Variants in MRPS9 observed in about 807,000 individuals in gnomAD.
MRPS9 encodes small ribosomal subunit protein uS9m.
MRPS9 carries 45 observed loss-of-function variants against 59.9 expected under a neutral mutation model. The ratio of observed to expected loss-of-function variants is 0.75; its 90% CI spans 0.59 to 0.96. The LOEUF is 0.96. MRPS9 is among the 40% of genes least tolerant of loss of function. The pLI is 0.00. For synonymous variants in MRPS9, 171 were observed against 166.8 expected (o/e 1.03, Z -0.19); for missense variants, 473 against 481.1 (o/e 0.98, Z 0.16).
At position 105,038,137 on chromosome 2, in the gene MRPS9, G is replaced by C. The variant is rs770944812; in HGVS notation, c.45G>C (p.Arg15=). ...CVSYGGAVSY[R]LLLWGRGSLA... Reference sequence around the variant, plus strand: ...CCTACGGCGGAGCAGTTTCGTACCGGCTTCTTCTCTGGGGTAGGGGTAGCC... The same window carrying C: ...CCTACGGCGGAGCAGTTTCGTACCGCCTTCTTCTCTGGGGTAGGGGTAGCC... Residue 15 remains arginine (R), a synonymous_variant, in exon 1 of 11, where the codon CGG becomes CGC. Transcript: ENST00000258455. 1.9e-6 allele frequency: 3 copies of C among 1,613,930 alleles called. No homozygotes were observed. Among genetic ancestry groups the C allele is most frequent in the Non-Finnish European group, 2.5e-6 (3 of 1,179,984 alleles).
chr2:105,048,968 A>G (rs1679659138), intron 1 of MRPS9, among the ~76,000 whole-genome samples: 1 of 148,728 alleles, frequency 6.7e-6, no homozygotes, highest in Non-Finnish European at 1.5e-5. Flanking sequence ...CTTAAACTGC[A>G]TTGTAAGCAA....
At chr2:105,043,833 C>T (rs543708523) in intron 1 of MRPS9, among the ~76,000 whole-genome samples, 1 of 151,404 alleles carries the variant, frequency 6.6e-6, no homozygotes, top group East Asian at 2.0e-4. Context: ...CAAGGTTTCA[C>T]TTTGTTGGCC....
At chr2:105,054,213 A>G (rs1679760201) in intron 2 of MRPS9, among the ~76,000 whole-genome samples, 1 of 152,224 alleles carries the variant, frequency 6.6e-6, no homozygotes, top group African/African-American at 2.4e-5. Context: ...CATGAGATTA[A>G]TGCAGTGTGT....
intron 2 of MRPS9, among the ~76,000 whole-genome samples, chr2:105,069,681 T>C (rs1387788413): frequency 6.6e-6 from 1 of 152,152 alleles, no homozygotes; most frequent in African/African-American, 2.4e-5. Flanking sequence ...GTATATGATG[T>C]GAGGTTTGGA....
At chr2:105,066,390 T>C (rs1327773709) in intron 2 of MRPS9, among the ~76,000 whole-genome samples, 1 of 152,232 alleles carries the variant, frequency 6.6e-6, no homozygotes, top group East Asian at 1.9e-4. Context: ...GCGAATTCTT[T>C]GTTGGCTTGT....
At position 105,038,153 on chromosome 2, in the gene MRPS9, A is replaced by T; in HGVS notation, c.61A>T (p.Arg21Trp). The change falls in exon 1 of 11, where the codon AGG becomes TGG. Residue 21 changes from arginine to tryptophan, a missense_variant. By Grantham distance (101) the Arg-to-Trp change is moderately radical. Coordinates refer to ENST00000258455, the MANE Select transcript of MRPS9 (RefSeq NM_182640.3). Reference protein sequence around the residue: ...AVSYRLLLWGRGSLARKQGLW... With the variant: ...AVSYRLLLWGWGSLARKQGLW... ...TTCGTACCGGCTTCTTCTCTGGGGT[A>T]GGGGTAGCCTCGCCCGGAAGCAAGG... 1.2e-6 allele frequency: 2 copies of T among 1,613,616 alleles called. No individual in the cohort carries two copies. The highest frequency in any genetic ancestry group is 2.2e-5 in the South Asian group (2 of 90,954).
At chr2:105,060,140 AT>A (rs1370759559) in intron 2 of MRPS9, among the ~76,000 whole-genome samples, 2 of 151,638 alleles carry the variant, frequency 1.3e-5, no homozygotes, top group Non-Finnish European at 2.9e-5. Context: ...CTAATCTAAA[AT>A]TTTTTGTGAA....
intron 5 of MRPS9, among the ~76,000 whole-genome samples, chr2:105,088,409 C>T (rs1484339409): frequency 6.6e-6 from 1 of 151,980 alleles, no homozygotes; most frequent in Non-Finnish European, 1.5e-5. Flanking sequence ...TAACAAGTGA[C>T]ATGCATTCAC....
At chr2:105,079,075 A>G (rs1680274574) in intron 4 of MRPS9, among the ~76,000 whole-genome samples, 1 of 152,186 alleles carries the variant, frequency 6.6e-6, no homozygotes. Context: ...CCTATAAAGG[A>G]TTCCTTCATG....
intron 2 of MRPS9, among the ~76,000 whole-genome samples, chr2:105,068,820 G>A (rs1680050600): frequency 6.6e-6 from 1 of 152,202 alleles, no homozygotes; most frequent in Non-Finnish European, 1.5e-5. Context: ...TTGCACAGAT[G>A]TGCCCTCATT....
At chr2:105,047,451 G>C (rs902933246) in intron 1 of MRPS9, among the ~76,000 whole-genome samples, 1 of 151,744 alleles carries the variant, frequency 6.6e-6, no homozygotes, top group African/African-American at 2.4e-5. Context: ...AATTACTGTA[G>C]AGGCATCTGA....
chr2:105,073,028 T>C (rs1014810264), intron 4 of MRPS9, among the ~76,000 whole-genome samples: 2 of 152,194 alleles, frequency 1.3e-5, no homozygotes, highest in African/African-American at 4.8e-5. Flanking sequence ...AGTAAAACTA[T>C]GCACAGGGCA....
chr2:105,069,835 A>G (rs1558756785), intron 2 of MRPS9, among the ~76,000 whole-genome samples: 3 of 146,616 alleles, frequency 2.0e-5, no homozygotes, highest in African/African-American at 7.6e-5. Flanking sequence ...ACATAGTGAG[A>G]CCCTCATCTC....
intron 5 of MRPS9, among the ~76,000 whole-genome samples, chr2:105,084,614 T>C (rs970862239): frequency 1.3e-5 from 2 of 152,192 alleles, no homozygotes; most frequent in South Asian, 2.1e-4. Flanking sequence ...TAGTGCTGTC[T>C]TTTAAAAATT....
In MRPS9 at chr2:105,070,846, T is replaced by C. The variant is rs1680099422; in HGVS notation, c.316-467T>C. Reference sequence around the variant, plus strand: ...AACAGACATGGAAGAAGAACTTGTTTGGAAAGAGTGTAGTTTAAAAACTCT... The same window carrying C: ...AACAGACATGGAAGAAGAACTTGTTCGGAAAGAGTGTAGTTTAAAAACTCT... On this transcript the variant is annotated intron_variant, in intron 2 of 10. Coordinates refer to ENST00000258455, the MANE Select transcript of MRPS9 (RefSeq NM_182640.3). 2.6e-5 allele frequency among the ~76,000 whole-genome samples: 4 copies of C among 152,170 alleles called. No homozygotes were observed. In the South Asian group the frequency reaches 8.3e-4, roughly 32 times the overall value.
At chr2:105,046,644 A>AGG (rs143606903) in intron 1 of MRPS9, among the ~76,000 whole-genome samples, 10,747 of 152,004 alleles carry the variant, frequency 0.071, 590 homozygotes, top group East Asian at 0.27. Flanking sequence ...CTTCAGTGAA[A>AGG]GGAGCCATAC....
At chr2:105,045,485 G>C (rs1679575938) in intron 1 of MRPS9, among the ~76,000 whole-genome samples, 1 of 151,126 alleles carries the variant, frequency 6.6e-6, no homozygotes, top group African/African-American at 2.4e-5. Flanking sequence ...ATCTCAGATT[G>C]GGTTAAAAAA....
rs1680457445 is a variant in MRPS9, at chr2:105,086,882, C to CCTG, written c.490-2100_490-2098dup. Among the ~76,000 whole-genome samples, 12 of 152,270 alleles carry CCTG rather than the reference C, an allele frequency of 7.9e-5. 1 individual carries two copies. The South Asian group carries it at 2.5e-3, about 32-fold the overall frequency. On this transcript the variant is annotated intron_variant, in intron 5 of 10. Transcript: ENST00000258455. ...TGGGTGCGCAGTGGCATGCTGTTTG[C>CCTG]CTGCGTCTGTCCATTTCGTATAAGT...
intron 1 of MRPS9, among the ~76,000 whole-genome samples, chr2:105,040,891 G>A (rs1024257706): frequency 7.9e-5 from 12 of 152,186 alleles, no homozygotes; most frequent in South Asian, 2.1e-4. Flanking sequence ...GGAAAATAGC[G>A]TCTTTAGCAG....
Sources: gnomAD v4.1 joint callset for allele counts (sites outside exome capture counted in the v4.1 genomes callset) on GRCh38, gnomAD v4.1.1 for gene constraint, MANE v1.5 for transcripts, NCBI Gene and HGNC (gene_info 2026-07-23, HGNC 2026-07-21) for gene names.